SF3B2: variants seen among roughly 807,000 people sequenced by gnomAD.
SF3B2 encodes the protein SAP 145.
A neutral mutation model predicts 116.3 loss-of-function variants in SF3B2; 22 were observed. That is an observed-to-expected ratio of 0.19 (90% CI 0.14 to 0.27). SF3B2 has a LOEUF of 0.27. Among genes scored for constraint, SF3B2 ranks in the 10% least tolerant of loss-of-function variants. The pLI, the probability that SF3B2 is intolerant of heterozygous loss-of-function variation, is 1.00. For synonymous variants in SF3B2, 406 were observed against 421.6 expected (o/e 0.96, Z 0.45); for missense variants, 767 against 1,151.4 (o/e 0.67, Z 4.83).
chr11:66,059,134 T>C lies in SF3B2; in HGVS notation c.1183-67T>C. The C allele has an allele frequency of 6.2e-7, 1 of 1,611,152 alleles. No individual in the cohort carries two copies. On this transcript the variant is annotated intron_variant, in intron 10 of 21. Coordinates refer to ENST00000322535, the MANE Select transcript of SF3B2 (RefSeq NM_006842.3). This position sits in a 1 kb window ranked among gnomAD's most constrained non-coding sequence, Gnocchi z 5.0. The stretch of plus-strand genomic sequence containing the variant: ...GAGGCAGCGGTGAACAGGCATCTTT[T>C]AGTGCTGGCCTTAGGAACTGGGAAG...
In SF3B2 at chr11:66,058,325, A is replaced by G. The variant is rs759579665; in HGVS notation, c.886A>G (p.Met296Val). ...EMNSQQEEEE[M>V]ETDARSSLGQ... ...CTTCTTCCTTACAGAGGAAGAGGAA[A>G]TGGAAACAGATGCTCGCTCGTCCCT... Residue 296 changes from methionine (M) to valine (V), a missense_variant, in exon 9 of 22, where the codon ATG becomes GTG. By Grantham distance (21) the Met-to-Val change is conservative (BLOSUM62 1). Around this residue, in one of 4 missense-constraint regions of SF3B2, gnomAD observed 455 missense variants for 537.5 expected, o/e 0.85. Transcript: ENST00000322535. 12 of 1,613,890 alleles carry G rather than the reference A, an allele frequency of 7.4e-6. No homozygotes were observed. The African/African-American group carries it at 1.3e-4, about 18-fold the overall frequency.
At position 66,058,564 on chromosome 11, in the gene SF3B2, C is replaced by G. The variant is rs1417746687; in HGVS notation, c.966+159C>G. ...ATTTTTCATTTAATTGCTTTGAGTT[C>G]CAAGTACTATACGTGCCTACATTTT... On this transcript the variant is annotated intron_variant, in intron 9 of 21. Transcript: ENST00000322535. The G allele has an allele frequency of 6.1e-6, 4 of 653,148 alleles. No homozygotes were observed. In the African/African-American group the frequency reaches 7.3e-5, roughly 12 times the overall value. 40.5% of individuals were successfully genotyped at this position (653,148 alleles called of 1,614,324 possible).
At chr11:66,057,517 T>G in intron 7 of SF3B2, 142 bp downstream of exon 7, 1 of 627,324 alleles carries the variant, frequency 1.6e-6, no homozygotes, top group Non-Finnish European at 2.9e-6. Context: ...TTATTTAAAC[T>G]AAGGGTATGG....
chr11:66,057,221 T>C (rs1249462384), intron 6 of SF3B2, 45 bp from the exon 7 acceptor site: 3 of 1,201,212 alleles, frequency 2.5e-6, no homozygotes, highest in Admixed American at 1.7e-5. Flanking sequence ...TTTACGTGAG[T>C]GTTTTGCCTC....
chr11:66,069,279 A>G lies in SF3B2; in HGVS notation c.*534A>G. The G allele has an allele frequency of 2.3e-6, 1 of 426,926 alleles. No homozygotes were observed. Among genetic ancestry groups the G allele is most frequent in the Non-Finnish European group, 4.9e-6 (1 of 205,958 alleles). 26.4% of individuals were successfully genotyped at this position (426,926 alleles called of 1,614,324 possible). On this transcript the variant is annotated 3_prime_UTR_variant, in exon 22 of 22. Coordinates refer to ENST00000322535, the MANE Select transcript of SF3B2 (RefSeq NM_006842.3). ...TTCAAGTCCTTACCTGTGCGACAAC[A>G]TAGCTCAAAAGCTAAATTGTCTTGA...
In SF3B2 at chr11:66,069,011, CTG is replaced by C. The variant is rs1857243139; in HGVS notation, c.*267_*268del. On this transcript the variant is annotated 3_prime_UTR_variant, in exon 22 of 22. Coordinates refer to ENST00000322535, the MANE Select transcript of SF3B2 (RefSeq NM_006842.3). ...CTGCCCCAGTAACCACGAACATAAACTGGGATTAGACGGCGCATTTGACTGGT... is the reference window on the plus strand; with the variant it reads ...CTGCCCCAGTAACCACGAACATAAACGGATTAGACGGCGCATTTGACTGGT... The C allele has an allele frequency of 2.2e-6, 1 of 461,370 alleles. No individual in the cohort carries two copies. Among genetic ancestry groups the C allele is most frequent in the Non-Finnish European group, 4.0e-6 (1 of 249,608 alleles). The allele number at this position is 461,370 out of a possible 1,614,324, so 28.6% of individuals were successfully genotyped here. A position where few individuals can be genotyped will look rare whatever the true frequency, so the allele number is the denominator to read the frequency against.
intron 19 of SF3B2, chr11:66,067,403 T>C: frequency 2.2e-6 from 1 of 456,176 alleles, no homozygotes; most frequent in South Asian, 1.5e-5. Flanking sequence ...GGACAATAGA[T>C]TGTCACCTCT....
chr11:66,068,486 GT>G, intron 21 of SF3B2, 153 bp downstream of exon 21: 1 of 927,690 alleles, frequency 1.1e-6, no homozygotes, highest in Non-Finnish European at 1.6e-6. Context: ...AAATCCTCCA[GT>G]GGGCTGCCCT....
intron 5 of SF3B2, 39 bp downstream of exon 5, chr11:66,055,624 G>A: frequency 1.3e-6 from 2 of 1,598,276 alleles, no homozygotes; most frequent in Non-Finnish European, 8.6e-7. Context: ...TCGTGGTCCA[G>A]TCAGTTGGCT....
chr11:66,068,354 T>C, intron 21 of SF3B2, 21 bp downstream of exon 21: 3 of 1,567,818 alleles, frequency 1.9e-6, no homozygotes, highest in Non-Finnish European at 2.6e-6. Flanking sequence ...CCAGGGGCGC[T>C]GGGCTGGGTG....
At chr11:66,063,189 T>G in intron 17 of SF3B2, 73 bp downstream of exon 17, 2 of 1,223,610 alleles carry the variant, frequency 1.6e-6, no homozygotes, top group Non-Finnish European at 2.4e-6. Flanking sequence ...TATAGCTTCA[T>G]TATCAGGGAG....
intron 7 of SF3B2, 71 bp from the exon 8 acceptor site, chr11:66,057,983 A>AAAAG (rs146037143): frequency 0.019 from 20,792 of 1,089,514 alleles, 89 homozygotes; most frequent in East Asian, 0.026. Context: ...AAAAAAAAAA[A>AAAAG]AAAGAAAGAA....
chr11:66,062,976 A>G, intron 16 of SF3B2, 33 bp from the exon 17 acceptor site: 1 of 1,445,280 alleles, frequency 6.9e-7, no homozygotes, highest in Non-Finnish European at 9.6e-7. Flanking sequence ...TTTGCAGCTA[A>G]GGAGTGAACT....
At chr11:66,057,123 C>A in intron 6 of SF3B2, 143 bp from the exon 7 acceptor site, 1 of 849,264 alleles carries the variant, frequency 1.2e-6, no homozygotes, top group Non-Finnish European at 2.0e-6. Context: ...GACCATGATC[C>A]AAAACATTAC....
In SF3B2 at chr11:66,055,541, G is replaced by C; in HGVS notation, c.505G>C (p.Asp169His). The change falls in exon 5 of 22, where the codon GAT (aspartate) becomes CAT (histidine). Residue 169 changes from aspartate (D) to histidine (H), a missense_variant. This residue lies in a region of SF3B2 where 455 missense variants were observed against 537.5 expected (regional missense o/e 0.85). Transcript: ENST00000322535. ...ACTTGTTTTCTTTTTTAAGCAGGGAGATCATTCGCTGAAGGAACATGAGCT... is the reference window on the plus strand; with the variant it reads ...ACTTGTTTTCTTTTTTAAGCAGGGACATCATTCGCTGAAGGAACATGAGCT... ...QQEERAKQQG[D>H]HSLKEHELLE... is the part of the protein sequence containing the mutation. 1 of 1,614,192 alleles carries C rather than the reference G, an allele frequency of 6.2e-7. No individual in the cohort carries two copies. Among genetic ancestry groups the C allele is most frequent in the East Asian group, 2.2e-5 (1 of 44,890 alleles).
chr11:66,067,561 A>C (rs755814677), intron 19 of SF3B2: 1 of 459,810 alleles, frequency 2.2e-6, no homozygotes, highest in South Asian at 1.5e-5. Flanking sequence ...AATTACATAC[A>C]TGAGAACTCC....
At chr11:66,067,234 T>C in intron 19 of SF3B2, 2 of 359,714 alleles carry the variant, frequency 5.6e-6, no homozygotes, top group Admixed American at 3.7e-5. Flanking sequence ...CAGAGTATAG[T>C]GAGGAGGGCT....
In SF3B2 at chr11:66,061,916, G is replaced by A. The variant is rs1349327903; in HGVS notation, c.1895G>A (p.Trp632Ter). The stretch of plus-strand genomic sequence containing the variant: ...AATGCCCACAAGGTCCCTCCCCCAT[G>A]GCTGATTGCCATGCAGCGATATGGA... ...GPNAHKVPPP[W>*]LIAMQRYGPP... Residue 632 changes from tryptophan (W) to a stop codon, truncating the protein, a stop_gained, in exon 16 of 22, where the codon TGG becomes TAG. Transcript: ENST00000322535. LOFTEE classifies it high-confidence loss of function. 6.2e-7 allele frequency: 1 copy of A among 1,613,462 alleles called. No homozygotes were observed. The highest frequency in any genetic ancestry group is 1.3e-5 in the African/African-American group (1 of 74,852).
chr11:66,054,952 T>C (rs1334637023), intron 3 of SF3B2, 124 bp from the exon 4 acceptor site: 11 of 903,638 alleles, frequency 1.2e-5, no homozygotes, highest in East Asian at 7.9e-5. Flanking sequence ...TTCTCTCTTA[T>C]GGAGTGGTAA....
Sources: allele counts gnomAD v4.1 joint callset, GRCh38; gene constraint gnomAD v4.1.1; regional missense constraint gnomAD v4.1.1; non-coding constraint Gnocchi (gnomAD v3.1); transcripts MANE v1.5; gene names NCBI Gene and HGNC (gene_info 2026-07-23, HGNC 2026-07-21).